The following SCAPER variants were observed in gnomAD, a reference collection of about 807,000 sequenced individuals.
SCAPER encodes S phase cyclin A-associated protein in the endoplasmic reticulum.
SCAPER carries 98 observed loss-of-function variants against 182.2 expected under a neutral mutation model. The observed-to-expected ratio is 0.54, with a 90% CI of 0.46 to 0.64. The LOEUF (loss-of-function observed/expected upper bound fraction) is 0.64, where lower values mean the gene tolerates loss of function less well. Among genes scored for constraint, SCAPER ranks in the 30% least tolerant of loss-of-function variants. The pLI, the probability that SCAPER is intolerant of heterozygous loss-of-function variation, is 0.00. For synonymous variants in SCAPER, 605 were observed against 564.6 expected, an observed-to-expected ratio of 1.07 and a Z score of -1.01; for missense variants, 1,432 against 1,690.0, an observed-to-expected ratio of 0.85 and a Z score of 2.68.
At chr15:76,561,818 CTAGTAT>C (rs1334428410) in intron 23 of SCAPER, among the ~76,000 whole-genome samples, 12 of 129,322 alleles carry the variant, frequency 9.3e-5, no homozygotes, top group African/African-American at 3.4e-4. Context: ...CCTTTGCCTC[CTAGTAT>C]TAGTTTTTTT....
intron 20 of SCAPER, among the ~76,000 whole-genome samples, chr15:76,669,665 C>T (rs2056873416): frequency 6.6e-6 from 1 of 152,150 alleles, no homozygotes; most frequent in African/African-American, 2.4e-5. Context: ...TTTACTGATG[C>T]AAATCTCAAA....
At chr15:76,376,014 G>T in intron 29 of SCAPER, 148 bp downstream of exon 29, 1 of 876,756 alleles carries the variant, frequency 1.1e-6, no homozygotes, top group Non-Finnish European at 1.7e-6. Context: ...TTGAAGAGAA[G>T]GAGCTAGAGG....
intron 23 of SCAPER, among the ~76,000 whole-genome samples, chr15:76,513,372 T>C (rs1690759157): frequency 1.3e-5 from 2 of 152,250 alleles, no homozygotes; most frequent in Admixed American, 1.3e-4. Flanking sequence ...TAAAGATGGA[T>C]GAAACAATCC....
intron 8 of SCAPER, 86 bp from the exon 9 acceptor site, chr15:76,775,203 T>A: frequency 8.1e-7 from 1 of 1,239,568 alleles, no homozygotes; most frequent in South Asian, 1.6e-5. Context: ...CATTTTCCAA[T>A]TTAATTCCCA....
intron 29 of SCAPER, among the ~76,000 whole-genome samples, chr15:76,362,806 C>G (rs2041539167): frequency 6.6e-6 from 1 of 152,188 alleles, no homozygotes; most frequent in Non-Finnish European, 1.5e-5. Flanking sequence ...TTAGAACTCA[C>G]TTATATTCAA....
At chr15:76,578,273 G>A (rs1029556166) in intron 22 of SCAPER, among the ~76,000 whole-genome samples, 1 of 152,190 alleles carries the variant, frequency 6.6e-6, no homozygotes, top group African/African-American at 2.4e-5. Flanking sequence ...GGGCCAGGCA[G>A]AACTTGCTGC....
intron 20 of SCAPER, among the ~76,000 whole-genome samples, chr15:76,675,832 T>C (rs893323148): frequency 2.7e-5 from 4 of 149,918 alleles, no homozygotes; most frequent in African/African-American, 9.8e-5. Context: ...TGAAACTGGT[T>C]TTTTTTTTTT....
intron 5 of SCAPER, among the ~76,000 whole-genome samples, chr15:76,838,657 A>G (rs1418358537): frequency 6.6e-6 from 1 of 152,150 alleles, no homozygotes; most frequent in Non-Finnish European, 1.5e-5. Flanking sequence ...TCTATATCCA[A>G]AAGTGTCCCC....
At chr15:76,839,357 G>C (rs1268418506) in intron 5 of SCAPER, among the ~76,000 whole-genome samples, 1 of 152,156 alleles carries the variant, frequency 6.6e-6, no homozygotes, top group African/African-American at 2.4e-5. Flanking sequence ...CGTACAAAAT[G>C]AGGAAAAATT....
chr15:76,360,008 T>G (rs2041287056), intron 29 of SCAPER, among the ~76,000 whole-genome samples: 1 of 152,152 alleles, frequency 6.6e-6, no homozygotes, highest in African/African-American at 2.4e-5. Flanking sequence ...TCACCTTAGG[T>G]CTGCACATTA....
intron 24 of SCAPER, among the ~76,000 whole-genome samples, chr15:76,500,878 A>G (rs1001440539): frequency 6.6e-6 from 1 of 151,880 alleles, no homozygotes; most frequent in African/African-American, 2.4e-5. Flanking sequence ...TGTCTCTACT[A>G]AAAATACAAA....
At chr15:76,556,471 T>C (rs1218261825) in intron 23 of SCAPER, among the ~76,000 whole-genome samples, 1 of 152,160 alleles carries the variant, frequency 6.6e-6, no homozygotes, top group Non-Finnish European at 1.5e-5. Context: ...ATACAATTGC[T>C]AGATCACTAG....
chr15:76,811,174 CAT>C (rs2066592437), intron 5 of SCAPER, among the ~76,000 whole-genome samples: 1 of 141,706 alleles, frequency 7.1e-6, no homozygotes, highest in African/African-American at 2.5e-5. Context: ...ACTTAACAAA[CAT>C]AGAATTAGCA....
At chr15:76,407,595 T>C (rs1301765542) in intron 26 of SCAPER, among the ~76,000 whole-genome samples, 1 of 152,200 alleles carries the variant, frequency 6.6e-6, no homozygotes, top group Non-Finnish European at 1.5e-5. Context: ...GAAATTTATA[T>C]AGTAAAGAAA....
chr15:76,688,843 C>CTTTTTTTT (rs71143353), intron 20 of SCAPER, among the ~76,000 whole-genome samples: 7 of 92,394 alleles, frequency 7.6e-5, no homozygotes, highest in Non-Finnish European at 1.3e-4. Flanking sequence ...AAATGCCTCT[C>CTTTTTTTT]TTTTTTTTTT....
At chr15:76,887,958 G>A (rs1474778091) in intron 1 of SCAPER, among the ~76,000 whole-genome samples, 1 of 152,220 alleles carries the variant, frequency 6.6e-6, no homozygotes, top group Non-Finnish European at 1.5e-5. Flanking sequence ...AGCTTCCAGA[G>A]GAGGGTCAGG....
At chr15:76,855,921 T>C (rs944976397) in intron 4 of SCAPER, 1 of 391,384 alleles carries the variant, frequency 2.6e-6, no homozygotes. Context: ...CATTACTGGG[T>C]ATATTACCAG....
At chr15:76,885,627 G>A (rs563559479) in intron 1 of SCAPER, among the ~76,000 whole-genome samples, 1 of 152,274 alleles carries the variant, frequency 6.6e-6, no homozygotes, top group East Asian at 1.9e-4. Flanking sequence ...GGGACTACAG[G>A]TGCACACCAT....
At chr15:76,653,649 T>TA (rs1233373157) in intron 21 of SCAPER, among the ~76,000 whole-genome samples, 2 of 152,206 alleles carry the variant, frequency 1.3e-5, no homozygotes, top group African/African-American at 4.8e-5. Context: ...AATAACTGAA[T>TA]AGCCATATGC....
Sources: allele counts gnomAD v4.1 joint callset (sites outside exome capture counted in the v4.1 genomes callset), GRCh38; gene constraint gnomAD v4.1.1; transcripts MANE v1.5; gene names NCBI Gene and HGNC (gene_info 2026-07-23, HGNC 2026-07-21).